The following PKD2 variants were observed in gnomAD, a reference collection of about 807,000 sequenced individuals.
PKD2 encodes the protein polycystin-2.
Under a neutral mutation model 105.9 loss-of-function variants are expected in PKD2, and 48 were observed. The observed-to-expected ratio is 0.45, with a 90% CI of 0.36 to 0.58. The LOEUF is 0.58. Ranked by LOEUF, PKD2 falls within the 20% of genes least tolerant of loss-of-function variation. The probability of loss-of-function intolerance (pLI) is 0.00; values close to 1 mark genes in which losing one functional copy is unlikely to be tolerated. For synonymous variants in PKD2, 464 were observed against 481.1 expected (o/e 0.96, Z 0.46); for missense variants, 1,078 against 1,255.3 (o/e 0.86, Z 2.13).
chr4:88,060,385 G>A (rs74901820), intron 9 of PKD2, among the ~76,000 whole-genome samples: 4,022 of 151,404 alleles, frequency 0.027, 179 homozygotes, highest in East Asian at 0.22. Context: ...AAATAAGAGC[G>A]TTCTCATTTG....
At chr4:88,071,061 CT>C (rs139469985) in intron 13 of PKD2, among the ~76,000 whole-genome samples, 11 of 147,748 alleles carry the variant, frequency 7.4e-5, no homozygotes, top group Non-Finnish European at 1.2e-4. Context: ...TCATAACTTC[CT>C]TTTTTTTTTA....
At chr4:88,066,026 C>T in intron 12 of PKD2, 147 bp downstream of exon 12, 1 of 687,432 alleles carries the variant, frequency 1.5e-6, no homozygotes, top group Non-Finnish European at 2.7e-6. Context: ...TGTGTTAGTA[C>T]CCTGTTTATT....
intron 13 of PKD2, among the ~76,000 whole-genome samples, chr4:88,068,620 A>G (rs186698244): frequency 9.8e-5 from 15 of 152,294 alleles, no homozygotes; most frequent in African/African-American, 3.4e-4. Context: ...TTGTGTCTCT[A>G]TTTGCATGTG....
intron 7 of PKD2, among the ~76,000 whole-genome samples, chr4:88,054,562 G>A (rs939519159): frequency 2.0e-5 from 3 of 151,256 alleles, no homozygotes; most frequent in Non-Finnish European, 4.4e-5. Context: ...GTCTCAGGCT[G>A]ATGTGTTTTA....
At chr4:88,052,619 C>T (rs368480346) in intron 7 of PKD2, among the ~76,000 whole-genome samples, 2 of 152,168 alleles carry the variant, frequency 1.3e-5, no homozygotes, top group Non-Finnish European at 2.9e-5. Flanking sequence ...GATCATTCCT[C>T]TCACTGTCAA....
rs1269608383 is a variant in PKD2, at chr4:88,007,928, G to A, written c.195G>A (p.Arg65=). ...EMQRIRQAAA[R]DPPAGAAASP... ...AGCGCATCCGGCAGGCGGCCGCGCG[G>A]GACCCCCCGGCCGGAGCCGCGGCCT... The change falls in exon 1 of 15, where the codon CGG becomes CGA. Residue 65 remains arginine, a synonymous_variant. Coordinates refer to ENST00000237596, the MANE Select transcript of PKD2 (RefSeq NM_000297.4). 8 of 1,447,582 alleles carry A rather than the reference G, an allele frequency of 5.5e-6. No homozygotes were observed. The highest frequency in any genetic ancestry group is 3.0e-5 in the East Asian group (1 of 33,488). 89.7% of individuals were successfully genotyped at this position (1,447,582 alleles called of 1,614,324 possible).
chr4:88,012,944 G>A (rs1726437498), intron 1 of PKD2, among the ~76,000 whole-genome samples: 1 of 151,814 alleles, frequency 6.6e-6, no homozygotes, highest in Non-Finnish European at 1.5e-5. Flanking sequence ...GTGTACATGT[G>A]CACACACAAT....
rs1726226212 is a variant in PKD2, at chr4:88,007,822, T to A, written c.89T>A (p.Met30Lys). The A allele has an allele frequency of 5.9e-6, 7 of 1,184,526 alleles. No individual in the cohort carries two copies. The highest frequency in any genetic ancestry group is 7.3e-6 in the Non-Finnish European group (7 of 959,770). The allele number at this position is 1,184,526 out of a possible 1,614,324, so 73.4% of individuals were successfully genotyped here. The change falls in exon 1 of 15, where the codon ATG becomes AAG. Residue 30 changes from methionine (M) to lysine (K), a missense_variant. By Grantham distance (95) the Met-to-Lys change is moderately conservative. This residue lies in a region of PKD2 where 210 missense variants were observed against 187.9 expected (regional missense o/e 1.12). Transcript: ENST00000237596. ...APRAPDPGRL[M>K]AGCAAVGASL... ...CGCGCGCCGGACCCGGGCCGGCTGA[T>A]GGCTGGCTGCGCGGCCGTGGGCGCC...
chr4:88,038,739 A>G (rs1727436065), intron 4 of PKD2, among the ~76,000 whole-genome samples: 1 of 152,204 alleles, frequency 6.6e-6, no homozygotes, highest in South Asian at 2.1e-4. Flanking sequence ...ATCGTTGACC[A>G]TATAACCCCT....
chr4:88,033,103 A>C (rs1444934114), intron 2 of PKD2, among the ~76,000 whole-genome samples: 1 of 152,084 alleles, frequency 6.6e-6, no homozygotes, highest in Non-Finnish European at 1.5e-5. Flanking sequence ...CTGGCACAGG[A>C]GAAGGACTGA....
At chr4:88,008,443 C>T (rs973551050) in intron 1 of PKD2, 115 bp downstream of exon 1, 3 of 1,294,022 alleles carry the variant, frequency 2.3e-6, no homozygotes, top group Non-Finnish European at 2.0e-6. Flanking sequence ...CCTCTGCGTT[C>T]CGCCTCCCTT....
chr4:88,052,000 G>C lies in PKD2; in HGVS notation c.1558G>C (p.Val520Leu). 1 of 1,577,162 alleles carries C rather than the reference G, an allele frequency of 6.3e-7. No individual in the cohort carries two copies. The highest frequency in any genetic ancestry group is 1.7e-5 in the Admixed American group (1 of 59,706). Residue 520 changes from valine to leucine, a missense_variant, in exon 7 of 15, where the codon GTA becomes CTA. By Grantham distance (32) the Val-to-Leu change is conservative (BLOSUM62 1). Transcript: ENST00000237596. ...ATATTTTGCTTTTCAGCTGTCAGTGGTAGCTATAGGAATTAACATATACAG... is the reference window on the plus strand; with the variant it reads ...ATATTTTGCTTTTCAGCTGTCAGTGCTAGCTATAGGAATTAACATATACAG... Reference protein sequence around the residue: ...LDVVIVVLSVVAIGINIYRTS... With the variant: ...LDVVIVVLSVLAIGINIYRTS...
At chr4:88,055,579 T>C (rs1720293132) in intron 7 of PKD2, among the ~76,000 whole-genome samples, 2 of 151,590 alleles carry the variant, frequency 1.3e-5, no homozygotes, top group Non-Finnish European at 2.9e-5. Flanking sequence ...GCTCAAGCGA[T>C]CCTCCTGCCT....
Position 88,075,860 on chromosome 4 carries a change from G to A in PKD2, c.*166G>A, listed in dbSNP as rs1326150871. On this transcript the variant is annotated 3_prime_UTR_variant, in exon 15 of 15. Transcript: ENST00000237596. ...TTTATTTTATATAAACTTTACCCATGGTTCAAAGATTTTTTTTTCTTTTTC... is the reference window on the plus strand; with the variant it reads ...TTTATTTTATATAAACTTTACCCATAGTTCAAAGATTTTTTTTTCTTTTTC... 6 of 670,700 alleles carry A rather than the reference G, an allele frequency of 8.9e-6. No homozygotes were observed. The African/African-American group carries it at 1.1e-4, about 12-fold the overall frequency. The allele number at this position is 670,700 out of a possible 1,614,324, so 41.5% of individuals were successfully genotyped here. A position where few individuals can be genotyped will look rare whatever the true frequency, so the allele number is the denominator to read the frequency against.
intron 2 of PKD2, among the ~76,000 whole-genome samples, chr4:88,035,694 A>T (rs1415058419): frequency 6.6e-6 from 1 of 152,228 alleles, no homozygotes; most frequent in Non-Finnish European, 1.5e-5. Flanking sequence ...CAGGTGGTAC[A>T]GTTCGTAAAG....
In PKD2 at chr4:88,046,755, T is replaced by G. The variant is rs765496869; in HGVS notation, c.1433T>G (p.Ile478Ser). ...TFDFFLAACE[I>S]IFCFFIFYYV... ...GATTTCTTCCTGGCAGCCTGTGAGA[T>G]TATCTTTTGTTTCTTTATCTTTTAC... The change falls in exon 6 of 15, where the codon ATT (isoleucine) becomes AGT (serine). Residue 478 changes from isoleucine to serine, a missense_variant. Around this residue, in one of 2 missense-constraint regions of PKD2, gnomAD observed 868 missense variants for 1,067.3 expected, o/e 0.81. Coordinates refer to ENST00000237596, the MANE Select transcript of PKD2 (RefSeq NM_000297.4). The G allele has an allele frequency of 1.4e-5, 23 of 1,611,774 alleles. No homozygotes were observed. Among genetic ancestry groups the G allele is most frequent in the Non-Finnish European group, 2.0e-5 (23 of 1,177,978 alleles).
At chr4:88,012,241 TC>T (rs1726407900) in intron 1 of PKD2, among the ~76,000 whole-genome samples, 1 of 152,226 alleles carries the variant, frequency 6.6e-6, no homozygotes, top group South Asian at 2.1e-4. Context: ...AGAACTCTCA[TC>T]CGTCACCACT....
At position 88,007,733 on chromosome 4, in the gene PKD2, G is replaced by C. The variant is rs1375522489; in HGVS notation, c.-1G>C. ...CCGCGCGCCGGACGCCAGTGACCGC[G>C]ATGGTGAACTCCAGTCGCGTGCAGC... On this transcript the variant is annotated 5_prime_UTR_variant, in exon 1 of 15. Coordinates refer to ENST00000237596, the MANE Select transcript of PKD2 (RefSeq NM_000297.4). 1.7e-6 allele frequency: 2 copies of C among 1,203,406 alleles called. No individual in the cohort carries two copies. The highest frequency in any genetic ancestry group is 1.0e-4 in the East Asian group (2 of 19,936). The allele number at this position is 1,203,406 out of a possible 1,614,324, so 74.5% of individuals were successfully genotyped here.
At position 88,007,957 on chromosome 4, in the gene PKD2, C is replaced by G; in HGVS notation, c.224C>G (p.Pro75Arg). ...CCCCCGGCCGGAGCCGCGGCCTCCC[C>G]TTCTCCTCCGCTCTCGTCGTGCTCC... ...RDPPAGAAASPSPPLSSCSRQ... is the reference protein window; with the variant it reads ...RDPPAGAAASRSPPLSSCSRQ... The change falls in exon 1 of 15, where the codon CCT becomes CGT. Residue 75 changes from proline (P) to arginine (R), a missense_variant. By Grantham distance (103) the Pro-to-Arg change is moderately radical. Around this residue, in one of 2 missense-constraint regions of PKD2, gnomAD observed 210 missense variants for 187.9 expected, o/e 1.12. Coordinates refer to ENST00000237596, the MANE Select transcript of PKD2 (RefSeq NM_000297.4). 6.7e-7 allele frequency: 1 copy of G among 1,488,068 alleles called. No homozygotes were observed. The highest frequency in any genetic ancestry group is 8.9e-7 in the Non-Finnish European group (1 of 1,121,586). The allele number at this position is 1,488,068 out of a possible 1,614,324, so 92.2% of individuals were successfully genotyped here. A position where few individuals can be genotyped will look rare whatever the true frequency, so the allele number is the denominator to read the frequency against.
Sources: gnomAD v4.1 joint callset for allele counts (sites outside exome capture counted in the v4.1 genomes callset) on GRCh38, gnomAD v4.1.1 for gene constraint, gnomAD v4.1.1 regional missense constraint, MANE v1.5 for transcripts, NCBI Gene and HGNC (gene_info 2026-07-23, HGNC 2026-07-21) for gene names.